The following ARMC3 variants were observed in gnomAD, a reference collection of about 807,000 sequenced individuals.
The protein encoded by ARMC3 is armadillo repeat-containing protein 3.
In ARMC3, 74 loss-of-function variants were observed where a neutral mutation model predicts 90.3. The ratio of observed to expected loss-of-function variants is 0.82; its 90% CI spans 0.68 to 0.99. ARMC3 has a LOEUF of 0.99. Among genes scored for constraint, ARMC3 ranks in the 50% least tolerant of loss-of-function variants. The pLI is 0.00. For synonymous variants in ARMC3, 334 were observed against 361.8 expected, an observed-to-expected ratio of 0.92 and a Z score of 0.87; for missense variants, 958 against 1,042.8, an observed-to-expected ratio of 0.92 and a Z score of 1.12.
chr10:22,993,210 A>G (rs1026272111), intron 10 of ARMC3, among the ~76,000 whole-genome samples: 1 of 152,254 alleles, frequency 6.6e-6, no homozygotes, highest in Non-Finnish European at 1.5e-5. Context: ...TGAAGCAAGG[A>G]TTCAACTCTG....
intron 2 of ARMC3, among the ~76,000 whole-genome samples, chr10:22,940,588 C>T (rs1042469418): frequency 7.2e-5 from 11 of 152,002 alleles, no homozygotes; most frequent in African/African-American, 1.9e-4. Flanking sequence ...CCTGGTCAAG[C>T]GATCCTCCCA....
At position 23,008,329 on chromosome 10, in the gene ARMC3, TTTC is replaced by T; in HGVS notation, c.1890_1892del (p.Ser633del). ...TCAGATGTTGGTTATGGACGAAGTATTTCTTCTTCATCTTCCTTAAGAAGATCA... is the reference window on the plus strand; with the variant it reads ...TCAGATGTTGGTTATGGACGAAGTATTTCTTCATCTTCCTTAAGAAGATCA... On this transcript the variant is annotated inframe_deletion, in exon 15 of 19. Transcript: ENST00000298032. 1.9e-6 allele frequency: 3 copies of T among 1,557,826 alleles called. No individual in the cohort carries two copies. The highest frequency in any genetic ancestry group is 2.6e-6 in the Non-Finnish European group (3 of 1,142,200).
intron 3 of ARMC3, among the ~76,000 whole-genome samples, chr10:22,947,571 G>A (rs1834583171): frequency 6.6e-6 from 1 of 152,114 alleles, no homozygotes; most frequent in Admixed American, 6.5e-5. Context: ...TTCACATAAT[G>A]GAGGCATAAT....
At chr10:22,988,398 G>C (rs1836554408) in intron 10 of ARMC3, among the ~76,000 whole-genome samples, 1 of 152,174 alleles carries the variant, frequency 6.6e-6, no homozygotes. Flanking sequence ...GGAGGGGCAT[G>C]ATCTTAATGA....
At chr10:22,931,928 A>T (rs1171582546) in intron 1 of ARMC3, 68 bp from the exon 2 acceptor site, 1 of 1,386,486 alleles carries the variant, frequency 7.2e-7, no homozygotes, top group Non-Finnish European at 1.0e-6. Context: ...ACCTCCTCTC[A>T]AGGGCACAGG....
At chr10:22,962,150 A>T in intron 7 of ARMC3, 72 bp downstream of exon 7, 1 of 1,172,044 alleles carries the variant, frequency 8.5e-7, no homozygotes, top group Non-Finnish European at 1.1e-6. Context: ...ATGAAATTTT[A>T]TTATACTTAA....
intron 2 of ARMC3, among the ~76,000 whole-genome samples, chr10:22,944,422 T>C (rs149826867): frequency 6.6e-6 from 1 of 152,308 alleles, no homozygotes; most frequent in Non-Finnish European, 1.5e-5. Context: ...ATCCATCCCA[T>C]TTTATCTGTT....
Position 23,014,318 on chromosome 10 carries a change from T to C in ARMC3, c.2045+5387T>C, listed in dbSNP as rs189423328. 1.9e-4 allele frequency: 268 copies of C among 1,412,362 alleles called. 5 individuals are homozygous for C. In the African/African-American group the frequency reaches 3.0e-3, roughly 16 times the overall value. 87.5% of individuals were successfully genotyped at this position (1,412,362 alleles called of 1,614,324 possible). On this transcript the variant is annotated intron_variant, in intron 16 of 18. Coordinates refer to ENST00000298032, the MANE Select transcript of ARMC3 (RefSeq NM_173081.5). ...TCACCTAGCACACTTAGGGGCTCAA[T>C]GTGCGTCCCTTCTCTCTTCCCTTCT... is the stretch of plus-strand genomic sequence containing the variant.
intron 2 of ARMC3, among the ~76,000 whole-genome samples, chr10:22,942,177 T>A (rs1329443406): frequency 6.6e-6 from 1 of 152,078 alleles, no homozygotes; most frequent in Non-Finnish European, 1.5e-5. Flanking sequence ...AGGGAGTAAA[T>A]GGACTGGGGA....
In ARMC3 at chr10:22,959,554, T is replaced by C. The variant is rs541026033; in HGVS notation, c.517T>C (p.Cys173Arg). Residue 173 changes from cysteine to arginine, a missense_variant, in exon 6 of 19, where the codon TGC becomes CGC. Transcript: ENST00000298032. ...DPDVKKNSME[C>R]IYNLVQDFQC... ...GGATGTAAAGAAGAACTCTATGGAA[T>C]GCATTTACAACTTGGTGCAGGTAAG... The C allele has an allele frequency of 3.7e-6, 6 of 1,603,790 alleles. No homozygotes were observed. The highest frequency in any genetic ancestry group is 5.1e-6 in the Non-Finnish European group (6 of 1,177,568).
rs1835531927 is a variant in ARMC3, at chr10:22,968,323, T to C, written c.750T>C (p.His250=). 1.2e-6 allele frequency: 2 copies of C among 1,613,882 alleles called. No homozygotes were observed. The highest frequency in any genetic ancestry group is 2.2e-5 in the South Asian group (2 of 91,082). ...ATTATTAGGAATTGAATGACCTTCA[T>C]ATAGAAGCACTTGCAGTGATAGCCA... ...ILETKELNDL[H]IEALAVIANC... is the part of the protein sequence containing the mutation. Residue 250 remains histidine, a synonymous_variant, in exon 8 of 19, where the codon CAT becomes CAC. Coordinates refer to ENST00000298032, the MANE Select transcript of ARMC3 (RefSeq NM_173081.5).
chr10:22,930,149 A>C (rs1328900884), intron 1 of ARMC3, among the ~76,000 whole-genome samples: 5 of 151,030 alleles, frequency 3.3e-5, no homozygotes, highest in Non-Finnish European at 7.4e-5. Context: ...TTTTTCCTAG[A>C]GATTAATTGT....
In ARMC3 at chr10:23,020,601, G is replaced by A. The variant is rs188176604; in HGVS notation, c.2046-9995G>A. 1.8e-3 allele frequency among the ~76,000 whole-genome samples: 268 copies of A among 152,258 alleles called. 6 individuals are homozygous for A. The highest frequency in any genetic ancestry group is 0.017 in the Admixed American group (262 of 15,300). On this transcript the variant is annotated intron_variant, in intron 16 of 18. Transcript: ENST00000298032. ...CTCCAGGTGCTCCACATCCTTGCTG[G>A]CACTTGGGATTGTTAGTATTTATTT...
At chr10:22,955,720 G>A in intron 3 of ARMC3, 87 bp from the exon 4 acceptor site, 1 of 1,497,336 alleles carries the variant, frequency 6.7e-7, no homozygotes, top group Non-Finnish European at 9.0e-7. Flanking sequence ...AAGGCAAATG[G>A]CAAATAAGAA....
chr10:22,940,468 T>A (rs1212733953), intron 2 of ARMC3, among the ~76,000 whole-genome samples: 3 of 152,202 alleles, frequency 2.0e-5, no homozygotes, highest in African/African-American at 7.2e-5. Flanking sequence ...ATGGTAGAAC[T>A]ACTTTGGAAA....
At chr10:22,942,200 T>C (rs1455338249) in intron 2 of ARMC3, among the ~76,000 whole-genome samples, 2 of 152,140 alleles carry the variant, frequency 1.3e-5, no homozygotes, top group Admixed American at 6.6e-5. Flanking sequence ...CAAATGCAAT[T>C]GAAGAATCTC....
intron 8 of ARMC3, among the ~76,000 whole-genome samples, chr10:22,968,810 A>G (rs1415202692): frequency 6.6e-6 from 1 of 152,188 alleles, no homozygotes; most frequent in Non-Finnish European, 1.5e-5. Context: ...TATATAAACA[A>G]AACATATATA....
intron 16 of ARMC3, among the ~76,000 whole-genome samples, chr10:23,012,567 C>G (rs1838065032): frequency 6.6e-6 from 1 of 152,100 alleles, no homozygotes; most frequent in African/African-American, 2.4e-5. Flanking sequence ...TTCACCGCAG[C>G]TCCCAAGCTC....
At chr10:22,954,084 T>C (rs903444619) in intron 3 of ARMC3, among the ~76,000 whole-genome samples, 4 of 152,232 alleles carry the variant, frequency 2.6e-5, no homozygotes, top group African/African-American at 7.2e-5. Flanking sequence ...TGGTATCTCA[T>C]TGCGGTTTTA....
Sources: allele counts gnomAD v4.1 joint callset (sites outside exome capture counted in the v4.1 genomes callset), GRCh38; gene constraint gnomAD v4.1.1; transcripts MANE v1.5; gene names NCBI Gene and HGNC (gene_info 2026-07-23, HGNC 2026-07-21).